Variants in GPC5 observed in about 807,000 individuals in gnomAD.
GPC5 encodes glypican-5.
A neutral mutation model predicts 53.9 loss-of-function variants in GPC5; 47 were observed. The ratio of observed to expected loss-of-function variants is 0.87; its 90% CI spans 0.69 to 1.11. GPC5 has a LOEUF of 1.11. Among genes scored for constraint, GPC5 ranks in the 50% most tolerant of loss-of-function variants. The probability of loss-of-function intolerance (pLI) is 0.00; values close to 1 mark genes in which losing one functional copy is unlikely to be tolerated. For missense variants in GPC5, 748 were observed against 713.1 expected (o/e 1.05, Z -0.56); for synonymous variants, 286 against 263.3 (o/e 1.09, Z -0.84).
At chr13:91,625,449 A>T (rs191567911) in intron 2 of GPC5, among the ~76,000 whole-genome samples, 68 of 152,220 alleles carry the variant, frequency 4.5e-4, no homozygotes, top group African/African-American at 1.6e-3. Flanking sequence ...TTGAGCATGG[A>T]GAAGGCATGG....
chr13:91,949,854 G>A (rs1395833589), intron 6 of GPC5, among the ~76,000 whole-genome samples: 2 of 152,132 alleles, frequency 1.3e-5, no homozygotes, highest in Non-Finnish European at 2.9e-5. Flanking sequence ...TACTATAAAT[G>A]TGTATTTGCT....
intron 7 of GPC5, among the ~76,000 whole-genome samples, chr13:92,612,157 G>A (rs2071282690): frequency 6.6e-6 from 1 of 152,056 alleles, no homozygotes; most frequent in South Asian, 2.1e-4. Flanking sequence ...ATGTGCAAAA[G>A]GGCATCCCTA....
intron 6 of GPC5, among the ~76,000 whole-genome samples, chr13:92,000,283 C>G (rs1433134341): frequency 6.6e-6 from 1 of 151,654 alleles, no homozygotes; most frequent in Admixed American, 6.6e-5. Context: ...AAAAATAGTT[C>G]TATATTTGGA....
In GPC5 at chr13:92,812,734, T is replaced by C. The variant is rs1877339550; in HGVS notation, c.1562-53548T>C. On this transcript the variant is annotated intron_variant, in intron 7 of 7. Coordinates refer to ENST00000377067, the MANE Select transcript of GPC5 (RefSeq NM_004466.6). ...CTAAAACATCCACAAGAAATCTTAC[T>C]AAAGCTAAAAAATGAATTCAGCAGT... Among the ~76,000 whole-genome samples the C allele has an allele frequency of 1.3e-5, 2 of 151,868 alleles. 1 individual carries two copies. Among genetic ancestry groups the C allele is most frequent in the African/African-American group, 4.9e-5 (2 of 41,232 alleles).
chr13:92,402,588 T>C (rs7988626), intron 7 of GPC5, among the ~76,000 whole-genome samples: 99,434 of 152,092 alleles, frequency 0.65, 33,230 homozygotes, highest in African/African-American at 0.79. Flanking sequence ...GAAGCTGTTC[T>C]GCCTCAGAAC....
chr13:91,935,653 T>A (rs2039863278), intron 6 of GPC5, among the ~76,000 whole-genome samples: 1 of 151,992 alleles, frequency 6.6e-6, no homozygotes, highest in African/African-American at 2.4e-5. Context: ...GGTTTTTGGC[T>A]TAAGTTTGAT....
rs376695803 is a variant in GPC5 at position 91,438,435 on chromosome 13, G to A, written c.164-10326G>A. ...GTTTGCTGGAGGTCCACTCCAGACC[G>A]TGTTTGCCTGGGTATCAGCAGCGGA... On this transcript the variant is annotated intron_variant, in intron 1 of 7. Transcript: ENST00000377067. 7.9e-5 allele frequency among the ~76,000 whole-genome samples: 12 copies of A among 152,176 alleles called. No homozygotes were observed. The East Asian group carries it at 1.2e-3, about 15-fold the overall frequency.
chr13:92,005,368 C>T (rs1021573958), intron 6 of GPC5, among the ~76,000 whole-genome samples: 8 of 152,092 alleles, frequency 5.3e-5, no homozygotes, highest in Non-Finnish European at 1.0e-4. Context: ...CCATAGTCTT[C>T]GCCTTGATTT....
chr13:91,768,776 A>T (rs2037569771), intron 5 of GPC5, among the ~76,000 whole-genome samples: 1 of 140,204 alleles, frequency 7.1e-6, no homozygotes, highest in Non-Finnish European at 1.6e-5. Flanking sequence ...TATAACAAGT[A>T]TTGCTATTTA....
At chr13:92,117,491 G>T (rs985350583) in intron 6 of GPC5, among the ~76,000 whole-genome samples, 1 of 152,020 alleles carries the variant, frequency 6.6e-6, no homozygotes. Flanking sequence ...ACACATTTTA[G>T]AATTAATTTG....
intron 7 of GPC5, among the ~76,000 whole-genome samples, chr13:92,285,084 C>G: frequency 6.6e-6 from 1 of 152,110 alleles, no homozygotes; most frequent in Non-Finnish European, 1.5e-5. Flanking sequence ...CACAAGCATT[C>G]TTATACACTA....
intron 6 of GPC5, among the ~76,000 whole-genome samples, chr13:92,014,291 T>C (rs949438248): frequency 1.3e-5 from 2 of 152,240 alleles, no homozygotes; most frequent in Non-Finnish European, 2.9e-5. Context: ...CTTGATATGC[T>C]GATGTTTTCA....
chr13:91,625,383 T>C (rs1429834095), intron 2 of GPC5, among the ~76,000 whole-genome samples: 1 of 152,072 alleles, frequency 6.6e-6, no homozygotes, highest in East Asian at 1.9e-4. Context: ...TACAAAAATA[T>C]TGTAAATGAA....
At chr13:92,265,202 C>G (rs1210278900) in intron 7 of GPC5, among the ~76,000 whole-genome samples, 1 of 151,998 alleles carries the variant, frequency 6.6e-6, no homozygotes, top group South Asian at 2.1e-4. Flanking sequence ...TTTTAAAATT[C>G]TTTATATGGC....
intron 6 of GPC5, among the ~76,000 whole-genome samples, chr13:91,984,540 A>G (rs1056264422): frequency 6.6e-5 from 10 of 152,224 alleles, no homozygotes; most frequent in African/African-American, 2.4e-4. Flanking sequence ...TATGTGTAAC[A>G]TAAATATTGA....
At chr13:92,537,653 A>T (rs1881769747) in intron 7 of GPC5, among the ~76,000 whole-genome samples, 1 of 152,098 alleles carries the variant, frequency 6.6e-6, no homozygotes, top group Non-Finnish European at 1.5e-5. Flanking sequence ...CAGATATCAT[A>T]AACAGCAACA....
chr13:91,728,034 G>A lies in GPC5; in HGVS notation c.1021-498G>A, dbSNP rs993140416. On this transcript the variant is annotated intron_variant, in intron 3 of 7. Transcript: ENST00000377067. The stretch of plus-strand genomic sequence containing the variant: ...AGAAGATGCAGAACTATTATACAAG[G>A]AGATCTTCATATTAAAAATATTAAT... Among the ~76,000 whole-genome samples the A allele has an allele frequency of 6.6e-5, 10 of 152,126 alleles. No homozygotes were observed. The South Asian group carries it at 1.2e-3, about 19-fold the overall frequency.
chr13:91,731,481 C>T (rs965924322), intron 4 of GPC5, among the ~76,000 whole-genome samples: 1 of 152,038 alleles, frequency 6.6e-6, no homozygotes, highest in Admixed American at 6.5e-5. Context: ...GTGTTCAGCT[C>T]AACTTTTAGG....
chr13:92,161,640 C>T (rs2041988776), intron 7 of GPC5, among the ~76,000 whole-genome samples: 2 of 151,978 alleles, frequency 1.3e-5, no homozygotes, highest in Admixed American at 1.3e-4. Context: ...TTCACATTTT[C>T]ACTTAGTGGA....
Sources: gnomAD v4.1 joint callset for allele counts (sites outside exome capture counted in the v4.1 genomes callset) on GRCh38, gnomAD v4.1.1 for gene constraint, MANE v1.5 for transcripts, NCBI Gene and HGNC (gene_info 2026-07-23, HGNC 2026-07-21) for gene names.